BZW2: variants seen among roughly 807,000 people sequenced by gnomAD.
BZW2 encodes eIF5-mimic protein 1.
Under a neutral mutation model 53.2 loss-of-function variants are expected in BZW2, and 23 were observed. The ratio of observed to expected loss-of-function variants is 0.43; its 90% CI spans 0.31 to 0.61. BZW2 has a LOEUF of 0.61. Among genes scored for constraint, BZW2 ranks in the 20% least tolerant of loss-of-function variants. The pLI is 0.09. For missense variants in BZW2, 409 were observed against 503.1 expected (o/e 0.81, Z 1.79); for synonymous variants, 227 against 186.4 (o/e 1.22, Z -1.77).
intron 7 of BZW2, among the ~76,000 whole-genome samples, chr7:16,692,967 G>A (rs1161946167): frequency 1.3e-5 from 2 of 152,230 alleles, no homozygotes; most frequent in Non-Finnish European, 2.9e-5. Flanking sequence ...TGGGGCATGG[G>A]ATATTGGGGA....
chr7:16,663,588 GTTC>G (rs982527441), intron 1 of BZW2, among the ~76,000 whole-genome samples: 2 of 151,782 alleles, frequency 1.3e-5, no homozygotes, highest in Non-Finnish European at 2.9e-5. Context: ...ATTTTTTCAT[GTTC>G]TTAAGGATTT....
chr7:16,694,802 T>G, intron 7 of BZW2, 32 bp from the exon 8 acceptor site: 1 of 1,455,170 alleles, frequency 6.9e-7, no homozygotes, highest in Non-Finnish European at 9.2e-7. Context: ...TTGAATGGCT[T>G]GTTTTATAGC....
At chr7:16,685,879 T>TTTTTTTTTTTTTTTTTTTTTTTC (rs1554267767) in intron 5 of BZW2, 26 bp from the exon 6 acceptor site, 1 of 585,762 alleles carries the variant, frequency 1.7e-6, no homozygotes, top group Admixed American at 4.4e-5. Flanking sequence ...TCTTTTTCTT[T>TTTTTTTTTTTTTTTTTTTTTTTC]TTTTTTTTTT....
At chr7:16,694,543 A>T (rs1783419759) in intron 7 of BZW2, among the ~76,000 whole-genome samples, 1 of 152,158 alleles carries the variant, frequency 6.6e-6, no homozygotes, top group South Asian at 2.1e-4. Context: ...TCATGAGGGC[A>T]GAGCCCTTAT....
At chr7:16,686,176 G>A in intron 6 of BZW2, 136 bp downstream of exon 6, 1 of 1,339,456 alleles carries the variant, frequency 7.5e-7, no homozygotes, top group Admixed American at 2.1e-5. Context: ...CTTTGTATGG[G>A]TGTATATTGC....
chr7:16,682,379 T>A (rs1040722946), intron 4 of BZW2, among the ~76,000 whole-genome samples: 1 of 152,218 alleles, frequency 6.6e-6, no homozygotes, highest in Non-Finnish European at 1.5e-5. Flanking sequence ...GAAACATGTT[T>A]GTTGTCCACC....
chr7:16,658,971 TA>T lies in BZW2; in HGVS notation c.-7-6455del, dbSNP rs922035061. Among the ~76,000 whole-genome samples the T allele has an allele frequency of 3.9e-3, 524 of 135,660 alleles. 1 individual carries two copies. Among genetic ancestry groups the T allele is most frequent in the African/African-American group, 0.011 (402 of 36,844 alleles). The allele number at this position is 135,660 out of a possible 152,430, so 89.0% of individuals were successfully genotyped here. On this transcript the variant is annotated intron_variant, in intron 1 of 11. Coordinates refer to ENST00000258761, the MANE Select transcript of BZW2 (RefSeq NM_014038.3). ...ATAATATAAAAGAATAAAAATAACTTAAAAAAAAAAAGCATTAAACAGGATC... is the reference window on the plus strand; with the variant it reads ...ATAATATAAAAGAATAAAAATAACTTAAAAAAAAAAGCATTAAACAGGATC...
At chr7:16,689,770 A>G (rs1316407196) in intron 6 of BZW2, 27 bp from the exon 7 acceptor site, 3 of 1,577,562 alleles carry the variant, frequency 1.9e-6, no homozygotes, top group Non-Finnish European at 2.6e-6. Context: ...CGTAAAAGGA[A>G]TGAAATTCTC....
chr7:16,691,567 A>G (rs6961256), intron 7 of BZW2, among the ~76,000 whole-genome samples: 13,670 of 152,196 alleles, frequency 0.09, 1,689 homozygotes, highest in African/African-American at 0.28. Flanking sequence ...TGAACGTCTC[A>G]AGTACCTTAA....
At chr7:16,700,563 T>C (rs1412410773) in intron 10 of BZW2, among the ~76,000 whole-genome samples, 2 of 152,168 alleles carry the variant, frequency 1.3e-5, no homozygotes, top group Non-Finnish European at 2.9e-5. Flanking sequence ...CCCCCAGAGA[T>C]TCTGATTCAG....
intron 1 of BZW2, among the ~76,000 whole-genome samples, chr7:16,647,688 C>G (rs562687926): frequency 7.2e-4 from 110 of 152,248 alleles, no homozygotes; most frequent in African/African-American, 2.6e-3. Flanking sequence ...TGAGAGTGAC[C>G]AATCTTTTGT....
At chr7:16,702,920 G>A (rs1485808125) in intron 10 of BZW2, among the ~76,000 whole-genome samples, 3 of 152,156 alleles carry the variant, frequency 2.0e-5, no homozygotes, top group African/African-American at 7.2e-5. Context: ...CAGGCAGGAA[G>A]ACATGATCCA....
rs1046627402 is a variant in BZW2 at position 16,706,220 on chromosome 7, C to T, written c.*132C>T. ...AAAAATAGGATAGGCTTCCCTTGTG[C>T]AGAGGGAGAAATGGTTTTGTTTTTG... On this transcript the variant is annotated 3_prime_UTR_variant, in exon 12 of 12. Transcript: ENST00000258761. The T allele has an allele frequency of 4.2e-6, 4 of 957,930 alleles. No individual in the cohort carries two copies. The highest frequency in any genetic ancestry group is 6.3e-6 in the Non-Finnish European group (4 of 632,936). The allele number at this position is 957,930 out of a possible 1,614,324, so 59.3% of individuals were successfully genotyped here.
chr7:16,658,883 GTA>G (rs144431361), intron 1 of BZW2, among the ~76,000 whole-genome samples: 9,557 of 145,862 alleles, frequency 0.066, 698 homozygotes, highest in East Asian at 0.23. Context: ...TCAGAAAAAT[GTA>G]TATATATATA....
At chr7:16,664,673 T>C (rs1782366237) in intron 1 of BZW2, among the ~76,000 whole-genome samples, 1 of 152,246 alleles carries the variant, frequency 6.6e-6, no homozygotes, top group African/African-American at 2.4e-5. Context: ...GGTGTTCCAC[T>C]TGGTGCCTAA....
intron 2 of BZW2, among the ~76,000 whole-genome samples, chr7:16,670,351 T>A (rs1407664452): frequency 6.6e-6 from 1 of 152,258 alleles, no homozygotes; most frequent in Non-Finnish European, 1.5e-5. Flanking sequence ...TCCTCTGCAT[T>A]GATTCTTGGC....
intron 2 of BZW2, among the ~76,000 whole-genome samples, chr7:16,668,258 G>C (rs374107449): frequency 5.9e-5 from 9 of 152,238 alleles, no homozygotes; most frequent in African/African-American, 2.2e-4. Context: ...GTGAGTCAGC[G>C]AGTAAACTGG....
chr7:16,654,704 GT>G (rs34037406), intron 1 of BZW2, among the ~76,000 whole-genome samples: 44,673 of 141,234 alleles, frequency 0.32, 7,712 homozygotes, highest in Middle Eastern at 0.43. Flanking sequence ...CTGGCTAATT[GT>G]TTTTTTTTTT....
chr7:16,662,291 A>C (rs992023979), intron 1 of BZW2: 1 of 152,172 alleles, frequency 6.6e-6, no homozygotes, highest in Non-Finnish European at 1.5e-5. Context: ...TTTGGGTGTT[A>C]TACCAAAGTC....
Sources: gnomAD v4.1 joint callset for allele counts (sites outside exome capture counted in the v4.1 genomes callset) on GRCh38, gnomAD v4.1.1 for gene constraint, MANE v1.5 for transcripts, NCBI Gene and HGNC (gene_info 2026-07-23, HGNC 2026-07-21) for gene names.